ANKRD36: variants seen among roughly 807,000 people sequenced by gnomAD.
ANKRD36 encodes the protein ankyrin repeat domain-containing protein 36A.
In ANKRD36, 179 loss-of-function variants were observed where a neutral mutation model predicts 278.1. That is an observed-to-expected ratio of 0.64 (90% confidence interval 0.57 to 0.73). ANKRD36 has a LOEUF of 0.73. Ranked by LOEUF, ANKRD36 falls within the 30% of genes least tolerant of loss-of-function variation. The pLI is 0.00. For missense variants in ANKRD36, 1,159 were observed against 1,956.7 expected (o/e 0.59, Z 7.69); for synonymous variants, 320 against 641.1 (o/e 0.50, Z 7.57).
At chr2:97,159,045 T>A (rs2048210779) in intron 17 of ANKRD36, among the ~76,000 whole-genome samples, 1 of 151,564 alleles carries the variant, frequency 6.6e-6, no homozygotes, top group African/African-American at 2.4e-5. Flanking sequence ...GAATACAGAG[T>A]TGAATAAGAG....
At chr2:97,260,347 G>GAT (rs71218080) in intron 75 of ANKRD36, among the ~76,000 whole-genome samples, 9,113 of 117,066 alleles carry the variant, frequency 0.078, 234 homozygotes, top group South Asian at 0.1. Context: ...TATTTTAAAA[G>GAT]ATATATATAT....
At chr2:97,193,573 G>A (rs567496955) in intron 38 of ANKRD36, among the ~76,000 whole-genome samples, 20 of 149,746 alleles carry the variant, frequency 1.3e-4, no homozygotes, top group Non-Finnish European at 1.0e-4. Context: ...TTCTGCTGAG[G>A]AAACCTGAGT....
At chr2:97,171,824 A>G (rs2052642258) in intron 22 of ANKRD36, among the ~76,000 whole-genome samples, 1 of 152,000 alleles carries the variant, frequency 6.6e-6, no homozygotes, top group Admixed American at 6.6e-5. Flanking sequence ...CTAGAAGAAA[A>G]TCTAGGCAAT....
intron 22 of ANKRD36, among the ~76,000 whole-genome samples, chr2:97,179,471 C>G (rs561943806): frequency 7.3e-5 from 11 of 151,702 alleles, no homozygotes; most frequent in Non-Finnish European, 3.0e-5. Flanking sequence ...TTGATATTGA[C>G]ATGGTTTTAT....
intron 28 of ANKRD36, among the ~76,000 whole-genome samples, chr2:97,184,851 T>G (rs2057052649): frequency 1.3e-5 from 2 of 151,788 alleles, no homozygotes; most frequent in African/African-American, 4.8e-5. Flanking sequence ...TCATCTGAAG[T>G]GTCATTGTAA....
intron 6 of ANKRD36, among the ~76,000 whole-genome samples, chr2:97,130,712 CTT>C (rs571871088): frequency 1.1e-4 from 17 of 151,948 alleles, no homozygotes; most frequent in Non-Finnish European, 2.2e-4. Flanking sequence ...TTCTGGGACA[CTT>C]TGTTTTAGTG....
intron 22 of ANKRD36, among the ~76,000 whole-genome samples, chr2:97,173,905 GTAGT>G (rs56339833): frequency 0.02 from 2,998 of 151,194 alleles, 53 homozygotes; most frequent in Non-Finnish European, 0.033. Context: ...GTTTGCTGAG[GTAGT>G]TATTTTGTAA....
chr2:97,126,393 A>G (rs1490122896), intron 5 of ANKRD36, among the ~76,000 whole-genome samples: 3 of 151,326 alleles, frequency 2.0e-5, no homozygotes, highest in Non-Finnish European at 4.4e-5. Context: ...GATGAGCTCA[A>G]TAATAGTTAA....
intron 29 of ANKRD36, 21 bp from the exon 30 acceptor site, chr2:97,185,417 T>G (rs776968117): frequency 6.2e-7 from 1 of 1,608,728 alleles, no homozygotes; most frequent in Non-Finnish European, 8.5e-7. Context: ...TTATTGATAA[T>G]TTGCTTCAAA....
At chr2:97,183,532 C>G in intron 27 of ANKRD36, 45 bp downstream of exon 27, 1 of 1,551,630 alleles carries the variant, frequency 6.4e-7, no homozygotes, top group South Asian at 1.2e-5. Context: ...ATTTTATAGC[C>G]TATGAAATAT....
chr2:97,193,812 C>G (rs1396073692), intron 38 of ANKRD36, among the ~76,000 whole-genome samples: 2 of 151,524 alleles, frequency 1.3e-5, no homozygotes, highest in African/African-American at 4.8e-5. Flanking sequence ...AAGGAGCTAC[C>G]TCTTGGATAA....
chr2:97,172,806 A>G (rs1318059960), intron 22 of ANKRD36, among the ~76,000 whole-genome samples: 2 of 150,522 alleles, frequency 1.3e-5, no homozygotes, highest in Non-Finnish European at 3.0e-5. Context: ...CCGTAAAGCC[A>G]TATTGCTCTG....
At position 97,164,331 on chromosome 2, in the gene ANKRD36, T is replaced by C; in HGVS notation, c.1458+20T>C. 1 of 1,535,060 alleles carries C rather than the reference T, an allele frequency of 6.5e-7. No individual in the cohort carries two copies. The highest frequency in any genetic ancestry group is 8.7e-7 in the Non-Finnish European group (1 of 1,145,748). On this transcript the variant is annotated intron_variant, in intron 19 of 75. Coordinates refer to ENST00000420699, the MANE Select transcript of ANKRD36 (RefSeq NM_001354587.1). Reference sequence around the variant, plus strand: ...TTCACGGTAAACATATTTTCTTTAATTATTAACAAAATGCTCTGTGATATA... The same window carrying C: ...TTCACGGTAAACATATTTTCTTTAACTATTAACAAAATGCTCTGTGATATA...
At chr2:97,152,617 C>T in intron 14 of ANKRD36, 83 bp downstream of exon 14, 1 of 1,190,888 alleles carries the variant, frequency 8.4e-7, no homozygotes, top group East Asian at 2.6e-5. Flanking sequence ...TAGTATTCTA[C>T]TCTGTGCTGG....
chr2:97,134,813 T>C (rs1385391332), intron 6 of ANKRD36, among the ~76,000 whole-genome samples: 1 of 152,062 alleles, frequency 6.6e-6, no homozygotes, highest in Non-Finnish European at 1.5e-5. Context: ...TGCCATACCA[T>C]TCCCAGTATT....
intron 30 of ANKRD36, 98 bp from the exon 31 acceptor site, chr2:97,187,100 C>T: frequency 6.4e-7 from 1 of 1,569,262 alleles, no homozygotes; most frequent in Non-Finnish European, 8.6e-7. Context: ...TACACTAATA[C>T]AGGCAGGCGG....
chr2:97,197,390 G>T (rs1305519747), intron 42 of ANKRD36, among the ~76,000 whole-genome samples: 1 of 151,952 alleles, frequency 6.6e-6, no homozygotes, highest in Non-Finnish European at 1.5e-5. Flanking sequence ...GGAACTGCTG[G>T]AAGAAGGAAA....
intron 46 of ANKRD36, among the ~76,000 whole-genome samples, chr2:97,201,993 G>A (rs1244736072): frequency 6.6e-6 from 1 of 151,888 alleles, no homozygotes; most frequent in East Asian, 1.9e-4. Flanking sequence ...TACCATGTTT[G>A]AAATTGTAAG....
Position 97,113,790 on chromosome 2 carries a change from C to T in ANKRD36, c.51C>T (p.Cys17=). The part of the protein sequence containing the change: ...ERWPTLMERL[C]SDGFAFPQYP... ...GGCCCACCCTCATGGAGCGCTTGTG[C>T]TCGGATGGCTTCGCATTTCCCCAAT... Residue 17 remains cysteine, a synonymous_variant, in exon 1 of 76, where the codon TGC becomes TGT. Transcript: ENST00000420699. 2 of 1,613,012 alleles carry T rather than the reference C, an allele frequency of 1.2e-6. No homozygotes were observed. Among genetic ancestry groups the T allele is most frequent in the East Asian group, 2.3e-5 (1 of 44,168 alleles).
Sources: gnomAD v4.1 joint callset for allele counts (sites outside exome capture counted in the v4.1 genomes callset) on GRCh38, gnomAD v4.1.1 for gene constraint, MANE v1.5 for transcripts, NCBI Gene and HGNC (gene_info 2026-07-23, HGNC 2026-07-21) for gene names.